The following POLD1 variants were observed in gnomAD, a reference collection of about 807,000 sequenced individuals.
POLD1 encodes DNA polymerase delta 1, catalytic subunit.
POLD1 carries 79 observed loss-of-function variants against 129.7 expected under a neutral mutation model. The ratio of observed to expected loss-of-function variants is 0.61; its 90% CI spans 0.51 to 0.73. POLD1 has a LOEUF of 0.73. Among genes scored for constraint, POLD1 ranks in the 30% least tolerant of loss-of-function variants. The pLI is 0.00. For missense variants in POLD1, 1,338 were observed against 1,595.8 expected (o/e 0.84, Z 2.75); for synonymous variants, 714 against 683.3 (o/e 1.04, Z -0.70).
Position 50,409,183 on chromosome 19 carries a change from C to G in POLD1, c.1954C>G (p.Arg652Gly). The G allele has an allele frequency of 6.2e-7, 1 of 1,613,586 alleles. No individual in the cohort carries two copies. The highest frequency in any genetic ancestry group is 8.5e-7 in the Non-Finnish European group (1 of 1,179,612). ...TGDEFVKTSV[R>G]KGLLPQILEN... is the part of the protein sequence containing the mutation. ...GGACGAGTTTGTGAAGACCTCAGTG[C>G]GGAAGGGGCTGCTGCCCCAGATCCT... The change falls in exon 16 of 27, where the codon CGG (arginine) becomes GGG (glycine). Residue 652 changes from arginine to glycine, a missense_variant. Transcript: ENST00000440232. This position sits in a 1 kb window ranked among gnomAD's most constrained non-coding sequence, Gnocchi z 5.8.
chr19:50,405,911 C>T (rs577685361), intron 10 of POLD1, among the ~76,000 whole-genome samples: 7 of 152,234 alleles, frequency 4.6e-5, no homozygotes, highest in Admixed American at 2.0e-4. Context: ...AGGTACAGCC[C>T]GCAGACACTG....
chr19:50,413,573 A>G (rs778169406), intron 18 of POLD1, 52 bp downstream of exon 18: 1 of 1,550,092 alleles, frequency 6.5e-7, no homozygotes, highest in Non-Finnish European at 8.8e-7. Flanking sequence ...AGGTGGGGGG[A>G]TGGAAGCCGG....
In POLD1 at chr19:50,417,725, G is replaced by T. The variant is rs1001419254; in HGVS notation, c.3219-117G>T. 24 of 640,442 alleles carry T rather than the reference G, an allele frequency of 3.7e-5. 1 individual carries two copies. The highest frequency in any genetic ancestry group is 2.4e-4 in the African/African-American group (13 of 55,276). The allele number at this position is 640,442 out of a possible 1,614,324, so 39.7% of individuals were successfully genotyped here. A position where few individuals can be genotyped will look rare whatever the true frequency, so the allele number is the denominator to read the frequency against. On this transcript the variant is annotated intron_variant, in intron 26 of 26. Transcript: ENST00000440232. ...GAGCAAACAGCCCGCTGCGGGAGGG[G>T]GCGGGTGGGCTGGGCAGCAGGCGGG...
At chr19:50,402,813 G>A (rs2038711676) in intron 8 of POLD1, 72 bp downstream of exon 8, 32 of 1,532,620 alleles carry the variant, frequency 2.1e-5, no homozygotes, top group Non-Finnish European at 2.5e-5. Context: ...GGCAGGTCCG[G>A]TGGAGGGAAT....
chr19:50,399,364 C>G lies in POLD1; in HGVS notation c.203-7C>G. 1.2e-6 allele frequency: 2 copies of G among 1,607,666 alleles called. No homozygotes were observed. The highest frequency in any genetic ancestry group is 1.7e-6 in the Non-Finnish European group (2 of 1,174,216). ...ATGTACTCCACTTCCTTCCCTTCCC[C>G]CACCAGGGCAGGTCCCACCATCAGC... On this transcript the variant is annotated splice_polypyrimidine_tract_variant and splice_region_variant and intron_variant, in intron 2 of 26. Transcript: ENST00000440232.
At position 50,409,380 on chromosome 19, in the gene POLD1, G is replaced by A. The variant is rs1253689839; in HGVS notation, c.2007-139G>A. The A allele has an allele frequency of 6.0e-6, 8 of 1,328,806 alleles. No homozygotes were observed. The South Asian group carries it at 1.0e-4, about 17-fold the overall frequency. The allele number at this position is 1,328,806 out of a possible 1,614,324, so 82.3% of individuals were successfully genotyped here. A position where few individuals can be genotyped will look rare whatever the true frequency, so the allele number is the denominator to read the frequency against. ...TAGCACAAGGCATCCCCTCCTGGCA[G>A]CTTCCTTTTGCCCCCTTGGCCAGAA... On this transcript the variant is annotated intron_variant, in intron 16 of 26. Coordinates refer to ENST00000440232, the MANE Select transcript of POLD1 (RefSeq NM_002691.4). The surrounding 1 kb of genome is among the most constrained non-coding windows in gnomAD (Gnocchi z 5.8).
In POLD1 at chr19:50,409,329, C is replaced by A; in HGVS notation, c.2006+94C>A. 1 of 1,218,126 alleles carries A rather than the reference C, an allele frequency of 8.2e-7. No individual in the cohort carries two copies. The highest frequency in any genetic ancestry group is 1.2e-6 in the Non-Finnish European group (1 of 838,214). The allele number at this position is 1,218,126 out of a possible 1,614,324, so 75.5% of individuals were successfully genotyped here. On this transcript the variant is annotated intron_variant, in intron 16 of 26. Coordinates refer to ENST00000440232, the MANE Select transcript of POLD1 (RefSeq NM_002691.4). The surrounding 1 kb of genome is among the most constrained non-coding windows in gnomAD (Gnocchi z 5.8). Reference sequence around the variant, plus strand: ...CTGGGACACCCCAGGGCTGCCCAGCCACCCTGCCCTCAGCTGTGCGTGAAT... The same window carrying A: ...CTGGGACACCCCAGGGCTGCCCAGCAACCCTGCCCTCAGCTGTGCGTGAAT...
chr19:50,406,163 C>A lies in POLD1; in HGVS notation c.1243-19C>A. 6.2e-7 allele frequency: 1 copy of A among 1,608,870 alleles called. No homozygotes were observed. Among genetic ancestry groups the A allele is most frequent in the Non-Finnish European group, 8.5e-7 (1 of 1,176,344 alleles). The stretch of plus-strand genomic sequence containing the variant: ...ACGGGGACCCGCAGCCTGCTGCACA[C>A]CCTGCCTCTCCTCCTCAGGTACAAA... On this transcript the variant is annotated intron_variant, in intron 10 of 26. Coordinates refer to ENST00000440232, the MANE Select transcript of POLD1 (RefSeq NM_002691.4). The surrounding 1 kb of genome is among the most constrained non-coding windows in gnomAD (Gnocchi z 5.5).
chr19:50,384,769 CGG>C (rs1260735369), intron 1 of POLD1, among the ~76,000 whole-genome samples: 1 of 152,144 alleles, frequency 6.6e-6, no homozygotes, highest in African/African-American at 2.4e-5. Context: ...GTCCCTGTCT[CGG>C]GAAGACAGAC....
At position 50,416,424 on chromosome 19, in the gene POLD1, T is replaced by C; in HGVS notation, c.2849T>C (p.Leu950Pro). 1 of 1,549,832 alleles carries C rather than the reference T, an allele frequency of 6.5e-7. No homozygotes were observed. The highest frequency in any genetic ancestry group is 1.2e-5 in the South Asian group (1 of 84,050). The change falls in exon 23 of 27, where the codon CTG becomes CCG. Residue 950 changes from leucine to proline, a missense_variant. By Grantham distance (98) the Leu-to-Pro change is moderately conservative (BLOSUM62 -3). Transcript: ENST00000440232. ...EDPLFVLEHS[L>P]PIDTQYYLEQ... ...CCGCTGTTCGTGCTGGAGCACAGCC[T>C]GCCCATTGACACGCAGTACTACCTG...
rs1254845405 is a variant in POLD1, at chr19:50,398,849, A to C, written c.-1-2A>C. On this transcript the variant is annotated splice_acceptor_variant, in intron 1 of 26. Transcript: ENST00000440232. LOFTEE classifies it low-confidence loss of function (5UTR_SPLICE). Reference sequence around the variant, plus strand: ...TCCACCAAGCTCCAACTTGCCCAGCAGGATGGATGGCAAGCGGCGGCCAGG... The same window carrying C: ...TCCACCAAGCTCCAACTTGCCCAGCCGGATGGATGGCAAGCGGCGGCCAGG... The C allele has an allele frequency of 1.9e-6, 3 of 1,608,276 alleles. No homozygotes were observed. The highest frequency in any genetic ancestry group is 2.5e-6 in the Non-Finnish European group (3 of 1,178,756).
chr19:50,406,673 C>T lies in POLD1; in HGVS notation c.1494+156C>T, dbSNP rs1205813298. 6.6e-6 allele frequency among the ~76,000 whole-genome samples: 1 copy of T among 152,150 alleles called. No individual in the cohort carries two copies. Among genetic ancestry groups the T allele is most frequent in the Non-Finnish European group, 1.5e-5 (1 of 68,030 alleles). On this transcript the variant is annotated intron_variant, in intron 12 of 26. Transcript: ENST00000440232. This position sits in a 1 kb window ranked among gnomAD's most constrained non-coding sequence, Gnocchi z 5.5. ...TACCTGACGCCCACTTTTTCCTGAC[C>T]TCTGACCCCAGATTTCTCTCCACTC... is the stretch of plus-strand genomic sequence containing the variant.
Position 50,403,617 on chromosome 19 carries a change from G to T in POLD1, c.1242+20G>T. The T allele has an allele frequency of 6.5e-7, 1 of 1,531,248 alleles. No homozygotes were observed. The highest frequency in any genetic ancestry group is 1.1e-5 in the South Asian group (1 of 89,448). The allele number at this position is 1,531,248 out of a possible 1,614,324, so 94.9% of individuals were successfully genotyped here. ...CTCAAGGTGAGGGCTGGGCAGGTGG[G>T]AGGCTTCTCTCAGATGCCCCAGGTG... On this transcript the variant is annotated intron_variant, in intron 10 of 26. Transcript: ENST00000440232.
rs748117607 is a variant in POLD1, at chr19:50,406,374, G to C, written c.1384-33G>C. 1 of 1,610,406 alleles carries C rather than the reference G, an allele frequency of 6.2e-7. No homozygotes were observed. Among genetic ancestry groups the C allele is most frequent in the Non-Finnish European group, 8.5e-7 (1 of 1,178,172 alleles). ...CTGTCCTTGGAAGGCCACTGCCCAGGCCCGCAGCCCACCAGCCCACCCACC... is the reference window on the plus strand; with the variant it reads ...CTGTCCTTGGAAGGCCACTGCCCAGCCCCGCAGCCCACCAGCCCACCCACC... On this transcript the variant is annotated intron_variant, in intron 11 of 26. Transcript: ENST00000440232. The surrounding 1 kb of genome is among the most constrained non-coding windows in gnomAD (Gnocchi z 5.5).
chr19:50,390,234 T>TC (rs1568606234), intron 1 of POLD1, among the ~76,000 whole-genome samples: 1 of 149,878 alleles, frequency 6.7e-6, no homozygotes, highest in Non-Finnish European at 1.5e-5. Context: ...TCTTTTCTTT[T>TC]CTTTTTTTTT....
rs574755209 is a variant in POLD1, at chr19:50,412,810, A to G, written c.2155-616A>G. Among the ~76,000 whole-genome samples, 8 of 152,094 alleles carry G rather than the reference A, an allele frequency of 5.3e-5. No homozygotes were observed. The East Asian group carries it at 1.5e-3, about 29-fold the overall frequency. ...TTTTTAGTAGAGATGGTGTTTCACC[A>G]TGTTGTCCAGGCTGATCTCGAACTC... On this transcript the variant is annotated intron_variant, in intron 17 of 26. Coordinates refer to ENST00000440232, the MANE Select transcript of POLD1 (RefSeq NM_002691.4).
In POLD1 at chr19:50,402,686, G is replaced by A. The variant is rs2122258558; in HGVS notation, c.915G>A (p.Gln305=). 6.2e-7 allele frequency: 1 copy of A among 1,602,030 alleles called. No individual in the cohort carries two copies. Among genetic ancestry groups the A allele is most frequent in the Non-Finnish European group, 8.5e-7 (1 of 1,173,236 alleles). The change falls in exon 8 of 27, where the codon CAG becomes CAA. Residue 305 remains glutamine (Q), a synonymous_variant. Transcript: ENST00000440232. ...VVSHPPEGPW[Q]RIAPLRVLSF... Reference sequence around the variant, plus strand: ...GTCACCCACCGGAAGGGCCATGGCAGCGCATTGCGCCCTTGCGCGTGCTCA... The same window carrying A: ...GTCACCCACCGGAAGGGCCATGGCAACGCATTGCGCCCTTGCGCGTGCTCA...
At chr19:50,404,011 G>C (rs557834208) in intron 10 of POLD1, among the ~76,000 whole-genome samples, 1 of 152,258 alleles carries the variant, frequency 6.6e-6, no homozygotes, top group South Asian at 2.1e-4. Context: ...TGTGTGTAAG[G>C]GTGGATTCCT....
chr19:50,415,953 A>G, intron 22 of POLD1, 127 bp downstream of exon 22: 1 of 679,950 alleles, frequency 1.5e-6, no homozygotes, highest in Non-Finnish European at 2.4e-6. Flanking sequence ...ACCGCCCCCC[A>G]TGGCAGCCTG....
Sources: gnomAD v4.1 joint callset for allele counts (sites outside exome capture counted in the v4.1 genomes callset) on GRCh38, gnomAD v4.1.1 for gene constraint, Gnocchi (gnomAD v3.1) non-coding constraint, MANE v1.5 for transcripts, NCBI Gene and HGNC (gene_info 2026-07-23, HGNC 2026-07-21) for gene names.